The following MTAP variants were observed in gnomAD, a reference collection of about 807,000 sequenced individuals.
MTAP encodes S-methyl-5'-thioadenosine phosphorylase.
In MTAP, 33 loss-of-function variants were observed where a neutral mutation model predicts 33.6. The observed-to-expected ratio is 0.98, with a 90% confidence interval of 0.74 to 1.31. The LOEUF (loss-of-function observed/expected upper bound fraction) is 1.31, where lower values mean the gene tolerates loss of function less well. Ranked by LOEUF, MTAP falls within the 40% of genes most tolerant of loss-of-function variation. The pLI, the probability that MTAP is intolerant of heterozygous loss-of-function variation, is 0.00. For missense variants in MTAP, 367 were observed against 360.0 expected, an observed-to-expected ratio of 1.02 and a Z score of -0.16; for synonymous variants, 148 against 125.7, an observed-to-expected ratio of 1.18 and a Z score of -1.19.
intron 1 of MTAP, among the ~76,000 whole-genome samples, chr9:21,887,169 G>C (rs2118730872): frequency 6.6e-6 from 1 of 152,162 alleles, no homozygotes; most frequent in Non-Finnish European, 1.5e-5. Flanking sequence ...GTGCCCGTTT[G>C]TTACATATGT....
In MTAP at chr9:21,862,012, T is replaced by C; in HGVS notation, c.850T>C (p.Ter284GlnextTer24). 6.2e-7 allele frequency: 1 copy of C among 1,612,570 alleles called. No homozygotes were observed. The highest frequency in any genetic ancestry group is 8.5e-7 in the Non-Finnish European group (1 of 1,178,776). ...AQFSVLLPRH* is the reference protein window; with the variant it reads ...AQFSVLLPRHQ ...GTTTTCTGTTTTATTACCAAGACAT[T>C]AAAGTAGCATGGCTGCCCAGGAGAA... is the stretch of plus-strand genomic sequence containing the variant. The change falls in exon 8 of 8, where the codon TAA becomes CAA. Residue 284 changes from the stop codon to glutamine, a stop_lost. Coordinates refer to ENST00000644715, the MANE Select transcript of MTAP (RefSeq NM_002451.4).
chr9:21,893,687 A>AG (rs1285114429), intron 1 of MTAP: 1 of 152,154 alleles, frequency 6.6e-6, no homozygotes, highest in African/African-American at 2.4e-5. Flanking sequence ...CAACCTCTCA[A>AG]GATTAAACCT....
chr9:21,814,482 C>A (rs913779052), intron 1 of MTAP, among the ~76,000 whole-genome samples: 17 of 152,152 alleles, frequency 1.1e-4, no homozygotes, highest in African/African-American at 4.1e-4. Context: ...GCACTGTTTA[C>A]TCTCTAGGAG....
chr9:21,865,285 T>C lies in MTAP; in HGVS notation c.*3271T>C. On this transcript the variant is annotated 3_prime_UTR_variant, in exon 8 of 8. Coordinates refer to ENST00000644715, the MANE Select transcript of MTAP (RefSeq NM_002451.4). ...TGCTCAACACTTCTTCCTGCCATCATGTGAAGAAGGACGTGTTTGTTTCCC... is the reference window on the plus strand; with the variant it reads ...TGCTCAACACTTCTTCCTGCCATCACGTGAAGAAGGACGTGTTTGTTTCCC... 1 of 443,158 alleles carries C rather than the reference T, an allele frequency of 2.3e-6. No homozygotes were observed. The highest frequency in any genetic ancestry group is 3.0e-6 in the Non-Finnish European group (1 of 334,534). 27.5% of individuals were successfully genotyped at this position (443,158 alleles called of 1,614,324 possible). A position where few individuals can be genotyped will look rare whatever the true frequency, so the allele number is the denominator to read the frequency against.
intron 6 of MTAP, among the ~76,000 whole-genome samples, chr9:21,858,150 G>A (rs947369735): frequency 5.9e-5 from 9 of 152,250 alleles, no homozygotes; most frequent in Admixed American, 5.2e-4. Flanking sequence ...TTTAGTAGCT[G>A]GAATAATTTT....
Position 21,848,859 on chromosome 9 carries a change from G to A in MTAP, c.451-5772G>A, listed in dbSNP as rs1825442729. On this transcript the variant is annotated intron_variant, in intron 5 of 7. Transcript: ENST00000644715. ...GGAATAATTGGATTCCAAGGCAGCA[G>A]GGGCCATGGCGGCACTCAGCTGTCA... is the stretch of plus-strand genomic sequence containing the variant. Among the ~76,000 whole-genome samples, 10 of 152,142 alleles carry A rather than the reference G, an allele frequency of 6.6e-5. No homozygotes were observed. In the South Asian group the frequency reaches 2.1e-3, roughly 32 times the overall value.
At chr9:21,817,407 C>T (rs1292546899) in intron 3 of MTAP, among the ~76,000 whole-genome samples, 1 of 151,936 alleles carries the variant, frequency 6.6e-6, no homozygotes, top group South Asian at 2.1e-4. Flanking sequence ...CACAAGGCCC[C>T]ACAAGGCATA....
At chr9:21,917,779 A>G (rs1478630123) in intron 1 of MTAP, among the ~76,000 whole-genome samples, 1 of 152,250 alleles carries the variant, frequency 6.6e-6, no homozygotes, top group African/African-American at 2.4e-5. Flanking sequence ...TAAAAAAGAC[A>G]CATGTACATG....
intron 4 of MTAP, among the ~76,000 whole-genome samples, chr9:21,824,433 A>C (rs1351619732): frequency 6.6e-6 from 1 of 152,192 alleles, no homozygotes; most frequent in Non-Finnish European, 1.5e-5. Flanking sequence ...GCTGAACAGC[A>C]AATGTTCCTG....
intron 4 of MTAP, among the ~76,000 whole-genome samples, chr9:21,825,607 G>A (rs992297385): frequency 2.6e-5 from 4 of 152,200 alleles, no homozygotes. Flanking sequence ...AGAGGTTGAA[G>A]CAAGAGGATT....
intron 5 of MTAP, among the ~76,000 whole-genome samples, chr9:21,843,924 C>CA (rs1294301052): frequency 4.6e-5 from 7 of 151,268 alleles, no homozygotes; most frequent in South Asian, 2.1e-4. Context: ...GAAATTGAAA[C>CA]AAAAAAATAC....
intron 1 of MTAP, among the ~76,000 whole-genome samples, chr9:21,906,877 T>C (rs1031748696): frequency 6.6e-6 from 1 of 152,184 alleles, no homozygotes; most frequent in African/African-American, 2.4e-5. Flanking sequence ...AAATAAATGC[T>C]TTTTGCCAAG....
chr9:21,854,889 T>C lies in MTAP; in HGVS notation c.690+19T>C. ...GGAAGCAGTAGGTGGAATTCTTTTC[T>C]AAGCACATATAGCATGGGTTTCTGG... On this transcript the variant is annotated intron_variant, in intron 6 of 7. Transcript: ENST00000644715. The C allele has an allele frequency of 1.2e-6, 2 of 1,613,510 alleles. No individual in the cohort carries two copies. Among genetic ancestry groups the C allele is most frequent in the South Asian group, 2.2e-5 (2 of 90,970 alleles).
At chr9:21,929,648 G>C (rs1214512115) in intron 1 of MTAP, 3 of 288,224 alleles carry the variant, frequency 1.0e-5, no homozygotes, top group African/African-American at 6.4e-5. Context: ...ACCAGAGATT[G>C]GACAAGCATA....
chr9:21,809,795 A>G lies in MTAP; in HGVS notation c.34-5638A>G, dbSNP rs990640656. Among the ~76,000 whole-genome samples, 13 of 152,336 alleles carry G rather than the reference A, an allele frequency of 8.5e-5. 1 individual carries two copies. Among genetic ancestry groups the G allele is most frequent in the African/African-American group, 2.9e-4 (12 of 41,594 alleles). ...GGCCTGGGCTTTGGTATTGAAAGCT[A>G]GAGAAGGGGAATGTCCTAGTATCCA... On this transcript the variant is annotated intron_variant, in intron 1 of 7. Transcript: ENST00000644715.
At chr9:21,936,024 A>T (rs1390729159), downstream of MTAP, 2 of 152,344 alleles carry the variant, frequency 1.3e-5, no homozygotes, top group East Asian at 3.9e-4. Flanking sequence ...ATTACTAACA[A>T]AAGCCAGATC....
chr9:21,875,167 A>G (rs1414058923), intron 1 of MTAP, among the ~76,000 whole-genome samples: 1 of 152,140 alleles, frequency 6.6e-6, no homozygotes, highest in African/African-American at 2.4e-5. Context: ...TAGTAGAATG[A>G]TTTATAATCC....
intron 1 of MTAP, among the ~76,000 whole-genome samples, chr9:21,907,719 T>G (rs527364666): frequency 2.0e-4 from 31 of 152,254 alleles, no homozygotes; most frequent in African/African-American, 7.2e-4. Context: ...ATAGAAAATC[T>G]GAAAGACATA....
chr9:21,930,744 T>G (rs1010444987), intron 1 of MTAP: 1 of 687,528 alleles, frequency 1.5e-6, no homozygotes, highest in African/African-American at 1.8e-5. Context: ...GGGAGGAATT[T>G]GTTTAGCTTT....
Sources: gnomAD v4.1 joint callset for allele counts (sites outside exome capture counted in the v4.1 genomes callset) on GRCh38, gnomAD v4.1.1 for gene constraint, MANE v1.5 for transcripts, NCBI Gene and HGNC (gene_info 2026-07-23, HGNC 2026-07-21) for gene names.